Variants in SGCE observed in about 807,000 individuals in gnomAD.
The protein encoded by SGCE is epsilon-sarcoglycan.
In SGCE, 26 loss-of-function variants were observed where a neutral mutation model predicts 57.8. The observed-to-expected ratio is 0.45, with a 90% CI of 0.33 to 0.62. The LOEUF (loss-of-function observed/expected upper bound fraction) is 0.62, where lower values mean the gene tolerates loss of function less well. Among genes scored for constraint, SGCE ranks in the 20% least tolerant of loss-of-function variants. SGCE has a pLI of 0.02. For synonymous variants in SGCE, 183 were observed against 189.5 expected (o/e 0.97, Z 0.28); for missense variants, 468 against 548.6 (o/e 0.85, Z 1.47).
chr7:94,588,325 A>C, intron 10 of SGCE: 1 of 1,077,036 alleles, frequency 9.3e-7, no homozygotes, highest in Non-Finnish European at 1.1e-6. Flanking sequence ...GAGAGCTTGA[A>C]ACTTCAAGCT....
intron 1 of SGCE, among the ~76,000 whole-genome samples, chr7:94,641,531 A>G (rs1305670573): frequency 6.6e-6 from 1 of 152,162 alleles, no homozygotes; most frequent in Non-Finnish European, 1.5e-5. Flanking sequence ...AATCCAAGAA[A>G]AGGTAGAATG....
At chr7:94,598,005 CT>C in intron 9 of SGCE, 1 of 166,336 alleles carries the variant, frequency 6.0e-6, no homozygotes, top group Non-Finnish European at 1.3e-5. Context: ...GAAACTCCAT[CT>C]TAAAAAAAAA....
At chr7:94,615,417 GATA>G (rs1562836097) in intron 5 of SGCE, among the ~76,000 whole-genome samples, 2 of 127,652 alleles carry the variant, frequency 1.6e-5, no homozygotes, top group Non-Finnish European at 3.5e-5. Flanking sequence ...TAGATAGATA[GATA>G]GATAAAGGGC....
At chr7:94,637,137 G>A (rs1199920147) in intron 1 of SGCE, among the ~76,000 whole-genome samples, 1 of 151,498 alleles carries the variant, frequency 6.6e-6, no homozygotes. Flanking sequence ...CATCTTTTGT[G>A]CTCTCTTGAA....
intron 1 of SGCE, among the ~76,000 whole-genome samples, chr7:94,641,146 CAAG>C (rs1207270229): frequency 1.3e-5 from 2 of 152,104 alleles, no homozygotes; most frequent in Admixed American, 6.6e-5. Context: ...AGAGAGATGT[CAAG>C]AAGGAGAGTG....
At chr7:94,637,866 A>C (rs889156610) in intron 1 of SGCE, among the ~76,000 whole-genome samples, 1 of 152,196 alleles carries the variant, frequency 6.6e-6, no homozygotes, top group Non-Finnish European at 1.5e-5. Flanking sequence ...AGGCACAAGG[A>C]ACCAGGGCAT....
intron 5 of SGCE, among the ~76,000 whole-genome samples, chr7:94,615,144 T>C (rs1221870343): frequency 1.3e-5 from 2 of 152,274 alleles, no homozygotes; most frequent in Non-Finnish European, 2.9e-5. Flanking sequence ...GTGGATCATG[T>C]GGTCAGGAGT....
At chr7:94,628,434 C>A in intron 2 of SGCE, 75 bp from the exon 3 acceptor site, 1 of 1,298,054 alleles carries the variant, frequency 7.7e-7, no homozygotes, top group Non-Finnish European at 1.1e-6. Context: ...TCAATCAAAA[C>A]ATTCTGTCTA....
chr7:94,654,565 A>G (rs917081090), intron 1 of SGCE, among the ~76,000 whole-genome samples: 1 of 152,222 alleles, frequency 6.6e-6, no homozygotes, highest in African/African-American at 2.4e-5. Flanking sequence ...TGTTTACCCA[A>G]CTTCCTAGGG....
intron 5 of SGCE, among the ~76,000 whole-genome samples, chr7:94,615,184 C>T (rs1046197677): frequency 6.6e-6 from 1 of 150,836 alleles, no homozygotes. Context: ...CATGGTGAAA[C>T]CCCATCTCTA....
intron 9 of SGCE, among the ~76,000 whole-genome samples, chr7:94,591,463 A>G (rs1797665166): frequency 6.6e-6 from 1 of 152,198 alleles, no homozygotes; most frequent in Admixed American, 6.6e-5. Flanking sequence ...GAATCAACAC[A>G]TTCTGACAAA....
At position 94,628,341 on chromosome 7, in the gene SGCE, G is replaced by A; in HGVS notation, c.251C>T (p.Pro84Leu). Residue 84 changes from proline (P) to leucine (L), a missense_variant, in exon 3 of 11, where the codon CCC (proline) becomes CTC (leucine). By Grantham distance (98) the Pro-to-Leu change is moderately conservative. Transcript: ENST00000648936. The part of the protein sequence containing the change: ...YPKPGEISND[P>L]ITFNTNLMGY... ...CATTAAATTTGTATTAAATGTTATG[G>A]GATCATTACTAATCTCGCCTAGATA... The A allele has an allele frequency of 6.2e-7, 1 of 1,609,708 alleles. No individual in the cohort carries two copies. The highest frequency in any genetic ancestry group is 8.5e-7 in the Non-Finnish European group (1 of 1,176,968).
At chr7:94,587,520 T>TA (rs1332527240) in intron 10 of SGCE, 1 of 1,299,248 alleles carries the variant, frequency 7.7e-7, no homozygotes, top group East Asian at 3.1e-5. Context: ...ATTTTCCTTT[T>TA]AAAAAATAGC....
chr7:94,588,754 G>T, intron 9 of SGCE, 22 bp from the exon 10 acceptor site: 1 of 1,613,212 alleles, frequency 6.2e-7, no homozygotes, highest in Non-Finnish European at 8.5e-7. Context: ...GAACATTTTT[G>T]AGTAAAACTG....
intron 1 of SGCE, among the ~76,000 whole-genome samples, chr7:94,644,010 T>C (rs1018592022): frequency 1.3e-5 from 2 of 152,192 alleles, no homozygotes; most frequent in Admixed American, 6.5e-5. Context: ...CTCAGGAATC[T>C]TAAAAGGAAG....
chr7:94,630,384 T>C (rs1584704354), intron 1 of SGCE, among the ~76,000 whole-genome samples: 1 of 151,994 alleles, frequency 6.6e-6, no homozygotes, highest in Non-Finnish European at 1.5e-5. Context: ...ATGCATTGGA[T>C]ACTTTTTCTG....
At chr7:94,597,028 A>G (rs1407056648) in intron 9 of SGCE, among the ~76,000 whole-genome samples, 4 of 152,072 alleles carry the variant, frequency 2.6e-5, no homozygotes, top group Non-Finnish European at 4.4e-5. Context: ...AATTTTACCA[A>G]TTTTTCTCAT....
rs549304539 is a variant in SGCE, at chr7:94,615,115, C to T, written c.662+3643G>A. On this transcript the variant is annotated intron_variant, in intron 5 of 10. Coordinates refer to ENST00000648936, the MANE Select transcript of SGCE (RefSeq NM_003919.3). ...GTAGCTCACGCCTGTAAGCCCAGCA[C>T]TCTGGGAGGCCAAGGCGGGTGGATC... Among the ~76,000 whole-genome samples the T allele has an allele frequency of 5.3e-5, 8 of 152,288 alleles. 1 individual carries two copies. The highest frequency in any genetic ancestry group is 3.4e-3 in the Middle Eastern group (1 of 294).
intron 1 of SGCE, among the ~76,000 whole-genome samples, chr7:94,630,313 C>G (rs1804490425): frequency 6.6e-6 from 1 of 151,740 alleles, no homozygotes. Context: ...CTAGACAAAG[C>G]ATGTCAGACT....
Sources: gnomAD v4.1 joint callset for allele counts (sites outside exome capture counted in the v4.1 genomes callset) on GRCh38, gnomAD v4.1.1 for gene constraint, MANE v1.5 for transcripts, NCBI Gene and HGNC (gene_info 2026-07-23, HGNC 2026-07-21) for gene names.